Variants in DNM2 observed in about 807,000 individuals in gnomAD.
DNM2 encodes the protein dynamin-2.
Under a neutral mutation model 99.0 loss-of-function variants are expected in DNM2, and 15 were observed. The observed-to-expected ratio is 0.15, with a 90% confidence interval of 0.10 to 0.23. DNM2 has a LOEUF of 0.23. Ranked by LOEUF, DNM2 falls within the 10% of genes least tolerant of loss-of-function variation. The pLI, the probability that DNM2 is intolerant of heterozygous loss-of-function variation, is 1.00. For synonymous variants in DNM2, 525 were observed against 481.2 expected, an observed-to-expected ratio of 1.09 and a Z score of -1.19; for missense variants, 742 against 1,189.4, an observed-to-expected ratio of 0.62 and a Z score of 5.53.
intron 4 of DNM2, among the ~76,000 whole-genome samples, chr19:10,776,247 C>T (rs981148093): frequency 3.9e-5 from 6 of 152,224 alleles, no homozygotes; most frequent in African/African-American, 1.4e-4. Flanking sequence ...GACATGGTCC[C>T]CTCTTAGTCA....
At chr19:10,732,994 C>T (rs2069387405) in intron 1 of DNM2, among the ~76,000 whole-genome samples, 1 of 152,108 alleles carries the variant, frequency 6.6e-6, no homozygotes, top group East Asian at 1.9e-4. Context: ...AGCGATTCTC[C>T]TGCCTCAGCC....
chr19:10,759,721 C>T lies in DNM2; in HGVS notation c.162-17C>T. The T allele has an allele frequency of 1.2e-6, 2 of 1,614,154 alleles. No homozygotes were observed. The highest frequency in any genetic ancestry group is 1.7e-6 in the Non-Finnish European group (2 of 1,180,026). The stretch of plus-strand genomic sequence containing the variant: ...CCGGACGCAAGAGTAATTTCTGTCC[C>T]TCTCCCCCCCTCACAGGGACTTCCT... On this transcript the variant is annotated splice_polypyrimidine_tract_variant and intron_variant, in intron 1 of 20. Coordinates refer to ENST00000389253, the MANE Select transcript of DNM2 (RefSeq NM_001005361.3).
chr19:10,798,378 C>T (rs901704505), intron 10 of DNM2, 108 bp from the exon 11 acceptor site: 6 of 721,282 alleles, frequency 8.3e-6, no homozygotes, highest in Non-Finnish European at 1.4e-5. Context: ...GGTGGGCCCC[C>T]TCATATCTCA....
chr19:10,768,095 T>C (rs2070856675), intron 2 of DNM2, among the ~76,000 whole-genome samples: 1 of 152,092 alleles, frequency 6.6e-6, no homozygotes, highest in East Asian at 1.9e-4. Context: ...CTGCTGTCCA[T>C]ATCCTTCGCC....
chr19:10,748,050 G>C (rs925342944), intron 1 of DNM2, among the ~76,000 whole-genome samples: 7 of 152,184 alleles, frequency 4.6e-5, no homozygotes, highest in Non-Finnish European at 7.3e-5. Context: ...CAGAGAGTAG[G>C]GGGAGGTGAG....
intron 18 of DNM2, among the ~76,000 whole-genome samples, chr19:10,827,119 C>T (rs1206123700): frequency 2.0e-5 from 3 of 152,150 alleles, no homozygotes; most frequent in Admixed American, 2.0e-4. Flanking sequence ...ACGTGCCATG[C>T]CCTCCCACCC....
chr19:10,794,740 ATC>A (rs1158923104), intron 8 of DNM2, among the ~76,000 whole-genome samples: 1 of 150,314 alleles, frequency 6.7e-6, no homozygotes, highest in African/African-American at 2.5e-5. Flanking sequence ...GCCAGACCCT[ATC>A]TCAAAAAAAA....
intron 5 of DNM2, among the ~76,000 whole-genome samples, chr19:10,778,992 G>T (rs2071250319): frequency 6.6e-6 from 1 of 152,040 alleles, no homozygotes; most frequent in Non-Finnish European, 1.5e-5. Flanking sequence ...AAGGCAGGCG[G>T]ATCACAAGGT....
intron 2 of DNM2, among the ~76,000 whole-genome samples, chr19:10,766,596 C>T (rs1432710032): frequency 1.3e-5 from 2 of 151,884 alleles, no homozygotes; most frequent in South Asian, 2.1e-4. Context: ...TTTAATTAAG[C>T]AGCTGCTGTA....
At position 10,779,502 on chromosome 19, in the gene DNM2, C is replaced by CTTTTTTTTTTTTTTTTTTTTT. The variant is rs55819116; in HGVS notation, c.688+2291_688+2311dup. On this transcript the variant is annotated intron_variant, in intron 5 of 20. Coordinates refer to ENST00000389253, the MANE Select transcript of DNM2 (RefSeq NM_001005361.3). ...TCTTTCTTTCTTTCTTTCTTTCTTT[C>CTTTTTTTTTTTTTTTTTTTTT]TTTTTTTTTTTTTTTTTTTTTTTTT... Among the ~76,000 whole-genome samples, 84 of 29,632 alleles carry CTTTTTTTTTTTTTTTTTTTTT rather than the reference C, an allele frequency of 2.8e-3. 8 individuals carry two copies. Among genetic ancestry groups the CTTTTTTTTTTTTTTTTTTTTT allele is most frequent in the Non-Finnish European group, 3.5e-3 (61 of 17,234 alleles). The allele number at this position is 29,632 out of a possible 152,430, so 19.4% of individuals were successfully genotyped here. A position where few individuals can be genotyped will look rare whatever the true frequency, so the allele number is the denominator to read the frequency against.
At chr19:10,778,610 C>T (rs1184667580) in intron 5 of DNM2, among the ~76,000 whole-genome samples, 1 of 151,956 alleles carries the variant, frequency 6.6e-6, no homozygotes, top group Non-Finnish European at 1.5e-5. Context: ...TATGATCACA[C>T]TACTACACTC....
chr19:10,735,414 T>C (rs2069486889), intron 1 of DNM2, among the ~76,000 whole-genome samples: 1 of 152,224 alleles, frequency 6.6e-6, no homozygotes, highest in Admixed American at 6.5e-5. Context: ...CTGATGATGC[T>C]GACCTTGATC....
At chr19:10,806,057 T>C in intron 13 of DNM2, 90 bp downstream of exon 13, 3 of 1,535,406 alleles carry the variant, frequency 2.0e-6, no homozygotes, top group Non-Finnish European at 2.7e-6. Context: ...GCTCGGCCTG[T>C]GTAAAGCCCC....
At chr19:10,799,726 T>G (rs1448463780) in intron 11 of DNM2, among the ~76,000 whole-genome samples, 1 of 151,898 alleles carries the variant, frequency 6.6e-6, no homozygotes, top group Non-Finnish European at 1.5e-5. Flanking sequence ...TAGAGAGAGA[T>G]TTTCACTATG....
chr19:10,784,781 C>T (rs1462883678), intron 6 of DNM2, among the ~76,000 whole-genome samples: 3 of 151,276 alleles, frequency 2.0e-5, no homozygotes, highest in African/African-American at 7.3e-5. Context: ...TTTTCTAGCT[C>T]GCCAGACACT....
chr19:10,719,795 G>A (rs1285196709), intron 1 of DNM2, among the ~76,000 whole-genome samples: 1 of 152,176 alleles, frequency 6.6e-6, no homozygotes. Context: ...TGGGGTGGAG[G>A]CTGTGTTATC....
intron 1 of DNM2, among the ~76,000 whole-genome samples, chr19:10,748,434 G>C (rs920196954): frequency 6.6e-6 from 1 of 152,144 alleles, no homozygotes; most frequent in Non-Finnish European, 1.5e-5. Context: ...CTGCCCTTTG[G>C]GGTGACCACA....
chr19:10,826,215 A>G (rs186650545), intron 18 of DNM2, among the ~76,000 whole-genome samples: 22 of 152,338 alleles, frequency 1.4e-4, no homozygotes, highest in Non-Finnish European at 2.9e-4. Flanking sequence ...TTAGGCTGGC[A>G]TCAGAATAAC....
rs2072548141 is a variant in DNM2 at position 10,811,638 on chromosome 19, A to AG, written c.1558-625dup. On this transcript the variant is annotated intron_variant, in intron 14 of 20. Transcript: ENST00000389253. This position sits in a 1 kb window ranked among gnomAD's most constrained non-coding sequence, Gnocchi z 5.4. ...CAGCGGCCAGGGAGCATGGGAGCAC[A>AG]GCCCCCAGGCTGCCTGCCGTTAGTT... The AG allele has an allele frequency of 2.1e-6, 1 of 485,530 alleles. No individual in the cohort carries two copies. The highest frequency in any genetic ancestry group is 2.0e-5 in the African/African-American group (1 of 51,130). 30.1% of individuals were successfully genotyped at this position (485,530 alleles called of 1,614,324 possible). A position where few individuals can be genotyped will look rare whatever the true frequency, so the allele number is the denominator to read the frequency against.
Sources: gnomAD v4.1 joint callset for allele counts (sites outside exome capture counted in the v4.1 genomes callset) on GRCh38, gnomAD v4.1.1 for gene constraint, Gnocchi (gnomAD v3.1) non-coding constraint, MANE v1.5 for transcripts, NCBI Gene and HGNC (gene_info 2026-07-23, HGNC 2026-07-21) for gene names.